DNAI4: variants seen among roughly 807,000 people sequenced by gnomAD.
DNAI4 encodes the protein dynein axonemal intermediate chain 4, also known as WD repeat domain 78.
DNAI4 carries 85 observed loss-of-function variants against 105.8 expected under a neutral mutation model. The observed-to-expected ratio is 0.80, with a 90% CI of 0.67 to 0.96. The LOEUF (loss-of-function observed/expected upper bound fraction) is 0.96, where lower values mean the gene tolerates loss of function less well. Ranked by LOEUF, DNAI4 falls within the 40% of genes least tolerant of loss-of-function variation. The pLI is 0.00. For synonymous variants in DNAI4, 352 were observed against 331.5 expected, an observed-to-expected ratio of 1.06 and a Z score of -0.67; for missense variants, 1,014 against 1,005.6, an observed-to-expected ratio of 1.01 and a Z score of -0.11.
At chr1:66,866,244 T>A (rs1028854273) in intron 6 of DNAI4, among the ~76,000 whole-genome samples, 1 of 151,772 alleles carries the variant, frequency 6.6e-6, no homozygotes, top group Admixed American at 6.6e-5. Context: ...GAGGCGATGG[T>A]TGCAGTGAGC....
intron 11 of DNAI4, among the ~76,000 whole-genome samples, chr1:66,834,750 T>C (rs1378566790): frequency 1.3e-5 from 2 of 152,148 alleles, no homozygotes; most frequent in Non-Finnish European, 2.9e-5. Flanking sequence ...TGGTACTGAC[T>C]ACCTTGATTT....
chr1:66,891,493 G>A (rs894723285), intron 3 of DNAI4, among the ~76,000 whole-genome samples: 7 of 151,918 alleles, frequency 4.6e-5, no homozygotes, highest in South Asian at 4.2e-4. Flanking sequence ...ATGGAGTCTC[G>A]CTCTGTCACC....
rs116124464 is a variant in DNAI4, at chr1:66,885,487, C to T, written c.643+5667G>A. The stretch of plus-strand genomic sequence containing the variant: ...ATAGAATGCCAGTTTTTAATTTCAA[C>T]ACTTTAAAGATTTTTGTTTCACTCT... On this transcript the variant is annotated intron_variant, in intron 4 of 16. Coordinates refer to ENST00000371026, the MANE Select transcript of DNAI4 (RefSeq NM_024763.5). Among the ~76,000 whole-genome samples, 1,337 of 152,280 alleles carry T rather than the reference C, an allele frequency of 8.8e-3. 17 individuals carry two copies. The highest frequency in any genetic ancestry group is 0.03 in the African/African-American group (1,247 of 41,550).
rs550999264 is a variant in DNAI4, at chr1:66,918,805, A to C, written c.170+5857T>G. Among the ~76,000 whole-genome samples, 8 of 152,310 alleles carry C rather than the reference A, an allele frequency of 5.3e-5. No homozygotes were observed. The East Asian group carries it at 1.2e-3, about 22-fold the overall frequency. On this transcript the variant is annotated intron_variant, in intron 1 of 16. Transcript: ENST00000371026. ...TTTTCTCCAAAAGATTTTTTTAAAAAGAAATGGGGGAAATGTAAAAGGAAA... is the reference window on the plus strand; with the variant it reads ...TTTTCTCCAAAAGATTTTTTTAAAACGAAATGGGGGAAATGTAAAAGGAAA...
At chr1:66,916,083 T>TA (rs34693536) in intron 1 of DNAI4, among the ~76,000 whole-genome samples, 91,491 of 117,294 alleles carry the variant, frequency 0.78, 35,370 homozygotes, top group East Asian at 0.87. Flanking sequence ...AGACTCTGTC[T>TA]AAAAAAAAAA....
chr1:66,895,754 T>C (rs1396672860), intron 2 of DNAI4, among the ~76,000 whole-genome samples: 1 of 152,226 alleles, frequency 6.6e-6, no homozygotes, highest in Non-Finnish European at 1.5e-5. Flanking sequence ...TTTAAAATCA[T>C]GAATATTAAA....
At chr1:66,913,475 G>A (rs1364515352) in intron 1 of DNAI4, among the ~76,000 whole-genome samples, 1 of 152,162 alleles carries the variant, frequency 6.6e-6, no homozygotes, top group Non-Finnish European at 1.5e-5. Context: ...AGCTCCAAAG[G>A]AAAAGGGCAT....
intron 10 of DNAI4, among the ~76,000 whole-genome samples, chr1:66,836,220 G>GAGAA (rs1553212752): frequency 0.037 from 3,263 of 88,930 alleles, 163 homozygotes; most frequent in Non-Finnish European, 0.041. Context: ...GAGAGAGAGA[G>GAGAA]AGAGAGAGAG....
intron 1 of DNAI4, among the ~76,000 whole-genome samples, chr1:66,907,417 C>T (rs2100840747): frequency 6.6e-6 from 1 of 152,280 alleles, no homozygotes; most frequent in Non-Finnish European, 1.5e-5. Context: ...TCAACTCTCT[C>T]ATTCTCTTCC....
In DNAI4 at chr1:66,887,954, G is replaced by T. The variant is rs1036589710; in HGVS notation, c.643+3200C>A. ...AGCCTGGGTGACAGAGCGAGACTTT[G>T]TCTCAAAAAAAAAAATCTACTACTA... is the stretch of plus-strand genomic sequence containing the variant. On this transcript the variant is annotated intron_variant, in intron 4 of 16. Coordinates refer to ENST00000371026, the MANE Select transcript of DNAI4 (RefSeq NM_024763.5). Among the ~76,000 whole-genome samples, 10 of 151,486 alleles carry T rather than the reference G, an allele frequency of 6.6e-5. No individual in the cohort carries two copies. In the East Asian group the frequency reaches 1.9e-3, roughly 29 times the overall value.
intron 10 of DNAI4, among the ~76,000 whole-genome samples, chr1:66,836,192 GAAAGAAAGAAAGAA>G (rs1190413402): frequency 0.023 from 1,476 of 63,010 alleles, 77 homozygotes; most frequent in Middle Eastern, 0.067. Context: ...AAGAAAGAAA[GAAAGAAAGAAAGAA>G]AGAGAGAGAG....
chr1:66,924,550 G>A, intron 1 of DNAI4, 112 bp downstream of exon 1: 3 of 1,437,294 alleles, frequency 2.1e-6, no homozygotes, highest in Non-Finnish European at 2.9e-6. Context: ...TCTACAGACT[G>A]AACCCAGTTA....
rs1037073373 is a variant in DNAI4 at position 66,860,407 on chromosome 1, C to T, written c.1096+1740G>A. Reference sequence around the variant, plus strand: ...GTTTCTACTATAAAAACCTCAGAGTCAAAAGGACCTTAGAGGTAACTAGTC... The same window carrying T: ...GTTTCTACTATAAAAACCTCAGAGTTAAAAGGACCTTAGAGGTAACTAGTC... On this transcript the variant is annotated intron_variant, in intron 7 of 16. Coordinates refer to ENST00000371026, the MANE Select transcript of DNAI4 (RefSeq NM_024763.5). 3.6e-4 allele frequency among the ~76,000 whole-genome samples: 55 copies of T among 151,996 alleles called. 1 individual carries two copies. The highest frequency in any genetic ancestry group is 1.3e-3 in the African/African-American group (52 of 41,516).
chr1:66,893,107 AAG>A (rs1448018913), intron 3 of DNAI4, 120 bp downstream of exon 3: 1 of 479,160 alleles, frequency 2.1e-6, no homozygotes, highest in Non-Finnish European at 3.5e-6. Flanking sequence ...GAAAGAAAGA[AAG>A]AAAGAAAGAA....
chr1:66,903,046 C>T (rs920898406), intron 2 of DNAI4, among the ~76,000 whole-genome samples: 4 of 152,178 alleles, frequency 2.6e-5, no homozygotes, highest in Admixed American at 2.0e-4. Flanking sequence ...ATTTCATATA[C>T]ATTTTAGGAT....
At chr1:66,909,789 C>T (rs1557982522) in intron 1 of DNAI4, among the ~76,000 whole-genome samples, 1 of 152,064 alleles carries the variant, frequency 6.6e-6, no homozygotes, top group African/African-American at 2.4e-5. Context: ...ACATCACCCT[C>T]ACCCCATCCA....
chr1:66,836,252 GAGAGAAAGAAAGAAAGAAAGAAAGAA>G (rs1340112347), intron 10 of DNAI4, among the ~76,000 whole-genome samples: 4 of 111,628 alleles, frequency 3.6e-5, no homozygotes, highest in African/African-American at 6.7e-5. Flanking sequence ...GAAAGAGAGA[GAGAGAAAGAAAGAAAGAAAGAAAGAA>G]AGAAAGAAAG....
At chr1:66,918,422 C>A (rs1286053088) in intron 1 of DNAI4, among the ~76,000 whole-genome samples, 3 of 152,104 alleles carry the variant, frequency 2.0e-5, no homozygotes, top group Admixed American at 6.5e-5. Flanking sequence ...TTTTTTGCCC[C>A]ATTTTTCCTA....
intron 4 of DNAI4, among the ~76,000 whole-genome samples, chr1:66,887,815 T>G (rs545604048): frequency 6.6e-6 from 1 of 151,776 alleles, no homozygotes; most frequent in African/African-American, 2.4e-5. Context: ...AAAAATTAGC[T>G]GAGTGTGGTG....
Sources: allele counts gnomAD v4.1 joint callset (sites outside exome capture counted in the v4.1 genomes callset), GRCh38; gene constraint gnomAD v4.1.1; transcripts MANE v1.5; gene names NCBI Gene and HGNC (gene_info 2026-07-23, HGNC 2026-07-21).